Variants in GRID2 observed in about 807,000 individuals in gnomAD.
The protein encoded by GRID2 is glutamate ionotropic receptor delta type subunit 2, also known as glutamate receptor ionotropic, delta-2.
A neutral mutation model predicts 114.8 loss-of-function variants in GRID2; 33 were observed. That is an observed-to-expected ratio of 0.29 (90% confidence interval 0.22 to 0.38). The LOEUF is 0.38. GRID2 is among the 10% of genes least tolerant of loss of function. The pLI, the probability that GRID2 is intolerant of heterozygous loss-of-function variation, is 1.00. For missense variants in GRID2, 1,184 were observed against 1,257.7 expected, an observed-to-expected ratio of 0.94 and a Z score of 0.89; for synonymous variants, 505 against 449.9, an observed-to-expected ratio of 1.12 and a Z score of -1.55.
intron 10 of GRID2, among the ~76,000 whole-genome samples, chr4:93,441,899 T>C (rs530591756): frequency 1.3e-5 from 2 of 152,110 alleles, no homozygotes; most frequent in East Asian, 3.9e-4. Context: ...GGCTCAGCTG[T>C]GTCCAGGTAG....
chr4:93,120,072 C>T (rs989684600), intron 4 of GRID2, among the ~76,000 whole-genome samples: 4 of 152,080 alleles, frequency 2.6e-5, no homozygotes, highest in East Asian at 1.9e-4. Context: ...GTTAGAATGG[C>T]GATCATTAAA....
chr4:93,147,884 G>A (rs1289576853), intron 4 of GRID2, among the ~76,000 whole-genome samples: 1 of 152,114 alleles, frequency 6.6e-6, no homozygotes, highest in Non-Finnish European at 1.5e-5. Context: ...TGTTTATTGA[G>A]TTGTACTTAC....
At chr4:93,600,616 A>C (rs966520554) in intron 13 of GRID2, among the ~76,000 whole-genome samples, 1 of 152,202 alleles carries the variant, frequency 6.6e-6, no homozygotes, top group Non-Finnish European at 1.5e-5. Context: ...TATATTGATG[A>C]TGTAAAATGC....
At position 93,455,760 on chromosome 4, in the gene GRID2, A is replaced by T; in HGVS notation, c.1644A>T (p.Leu548=). 1 of 1,610,454 alleles carries T rather than the reference A, an allele frequency of 6.2e-7. No individual in the cohort carries two copies. The highest frequency in any genetic ancestry group is 1.3e-5 in the African/African-American group (1 of 74,926). The change falls in exon 11 of 16, where the codon CTA becomes CTT. Residue 548 remains leucine (L), a synonymous_variant. Coordinates refer to ENST00000282020, the MANE Select transcript of GRID2 (RefSeq NM_001510.4). ...TRYMDYSVGV[L]LRRAEKTVDM... ...ACATGGACTACTCAGTGGGGGTACTACTTCGAAGGGCTGAAAAGACAGTGG... is the reference window on the plus strand; with the variant it reads ...ACATGGACTACTCAGTGGGGGTACTTCTTCGAAGGGCTGAAAAGACAGTGG...
At chr4:93,005,701 G>A (rs911279240) in intron 2 of GRID2, among the ~76,000 whole-genome samples, 1 of 151,954 alleles carries the variant, frequency 6.6e-6, no homozygotes, top group Non-Finnish European at 1.5e-5. Flanking sequence ...TACATGCAAT[G>A]GAATAGTATT....
At chr4:93,108,733 C>A (rs778851660) in intron 3 of GRID2, among the ~76,000 whole-genome samples, 1 of 151,394 alleles carries the variant, frequency 6.6e-6, no homozygotes, top group Non-Finnish European at 1.5e-5. Flanking sequence ...CGGGTTCAAG[C>A]GATTCTTCTG....
At chr4:93,015,345 A>G (rs760250953) in intron 2 of GRID2, among the ~76,000 whole-genome samples, 3 of 152,188 alleles carry the variant, frequency 2.0e-5, no homozygotes, top group Non-Finnish European at 2.9e-5. Flanking sequence ...GCTACTATAC[A>G]GCAAGGGAAT....
chr4:93,781,411 T>TGGGCTGCGGTGAGGGGCTGCGGTGAG (rs754582863), intron 1 of GRID2, among the ~76,000 whole-genome samples: 1 of 151,350 alleles, frequency 6.6e-6, no homozygotes, highest in East Asian at 2.0e-4. Flanking sequence ...TGAGGCCTAC[T>TGGGCTGCGGTGAGGGGCTGCGGTGAG]GGGCTGCGGT....
At chr4:92,969,110 A>C (rs965154927) in intron 2 of GRID2, among the ~76,000 whole-genome samples, 2 of 151,698 alleles carry the variant, frequency 1.3e-5, no homozygotes, top group African/African-American at 4.8e-5. Flanking sequence ...TTTGGGATAT[A>C]CTATGTGTAG....
chr4:93,529,943 C>G (rs1444501866), intron 13 of GRID2, among the ~76,000 whole-genome samples: 1 of 152,108 alleles, frequency 6.6e-6, no homozygotes. Context: ...CAAGTTGACG[C>G]TTATCTTTCT....
intron 4 of GRID2, among the ~76,000 whole-genome samples, chr4:93,157,428 A>G (rs1434202014): frequency 1.3e-5 from 2 of 151,808 alleles, no homozygotes; most frequent in Non-Finnish European, 2.9e-5. Context: ...TTATCATTCA[A>G]CACTATATTG....
intron 2 of GRID2, among the ~76,000 whole-genome samples, chr4:92,877,700 C>T (rs1745734193): frequency 6.6e-6 from 1 of 152,130 alleles, no homozygotes; most frequent in South Asian, 2.1e-4. Context: ...TTAGTGTGTC[C>T]TGTCACTCTG....
At chr4:92,307,215 G>A (rs1478177878) in intron 1 of GRID2, among the ~76,000 whole-genome samples, 1 of 152,034 alleles carries the variant, frequency 6.6e-6, no homozygotes, top group Non-Finnish European at 1.5e-5. Flanking sequence ...TTTAGGAGGT[G>A]TTGCCTTCAT....
chr4:92,789,704 A>G (rs969226691), intron 2 of GRID2, among the ~76,000 whole-genome samples: 3 of 151,822 alleles, frequency 2.0e-5, no homozygotes, highest in Non-Finnish European at 4.4e-5. Context: ...AAACGTATTT[A>G]TTTTATTTTC....
chr4:93,712,691 T>C (rs994827150), intron 14 of GRID2, among the ~76,000 whole-genome samples: 2 of 152,180 alleles, frequency 1.3e-5, no homozygotes, highest in African/African-American at 4.8e-5. Flanking sequence ...AACTGATACA[T>C]AAATAAATTA....
At chr4:92,881,106 T>C (rs2149457563) in intron 2 of GRID2, among the ~76,000 whole-genome samples, 1 of 152,270 alleles carries the variant, frequency 6.6e-6, no homozygotes, top group Non-Finnish European at 1.5e-5. Flanking sequence ...TTTCGCCAAG[T>C]TGGCCAGGCT....
intron 14 of GRID2, among the ~76,000 whole-genome samples, chr4:93,752,627 C>T (rs762810478): frequency 6.6e-6 from 1 of 152,166 alleles, no homozygotes; most frequent in African/African-American, 2.4e-5. Flanking sequence ...ACCTCGGCCT[C>T]CCAAAGTGCT....
chr4:92,827,931 G>C (rs1379042013), intron 2 of GRID2, among the ~76,000 whole-genome samples: 1 of 151,934 alleles, frequency 6.6e-6, no homozygotes, highest in Non-Finnish European at 1.5e-5. Flanking sequence ...AACCAATTTT[G>C]ATAGTTAACT....
At chr4:93,453,357 AGAGTGT>A (rs1477147400) in intron 10 of GRID2, among the ~76,000 whole-genome samples, 30 of 116,418 alleles carry the variant, frequency 2.6e-4, no homozygotes, top group African/African-American at 8.7e-4. Flanking sequence ...AGAGAGAGAG[AGAGTGT>A]GTGTATTTGT....
Sources: gnomAD v4.1 joint callset for allele counts (sites outside exome capture counted in the v4.1 genomes callset) on GRCh38, gnomAD v4.1.1 for gene constraint, MANE v1.5 for transcripts, NCBI Gene and HGNC (gene_info 2026-07-23, HGNC 2026-07-21) for gene names.